The following KRT26 variants were observed in gnomAD, a reference collection of about 807,000 sequenced individuals.
KRT26 encodes the protein keratin, type I cytoskeletal 26.
A neutral mutation model predicts 46.1 loss-of-function variants in KRT26; 45 were observed. That is an observed-to-expected ratio of 0.98 (90% CI 0.77 to 1.25). The LOEUF is 1.25. Among genes scored for constraint, KRT26 ranks in the 50% most tolerant of loss-of-function variants. KRT26 has a pLI of 0.00. For synonymous variants in KRT26, 191 were observed against 209.9 expected (o/e 0.91, Z 0.78); for missense variants, 582 against 560.1 (o/e 1.04, Z -0.39).
chr17:40,771,955 T>C, exon 1 of KRT26: 1 of 1,614,158 alleles, frequency 6.2e-7, no homozygotes, highest in Non-Finnish European at 8.5e-7. Context: ...AGAAGCTTCC[T>C]CCAGAAGAGA....
intron 1 of KRT26, 68 bp downstream of exon 1, chr17:40,771,605 A>G: frequency 7.1e-7 from 1 of 1,414,696 alleles, no homozygotes; most frequent in East Asian, 2.3e-5. Context: ...CACATTTTAT[A>G]TTTTCTCTTC....
chr17:40,771,623 T>C, intron 1 of KRT26, 50 bp downstream of exon 1: 1 of 1,482,636 alleles, frequency 6.7e-7, no homozygotes, highest in Non-Finnish European at 9.1e-7. Flanking sequence ...TTCTTTAAAT[T>C]ATCAACACAC....
At chr17:40,771,867 C>T (rs2038224505) in exon 1 of KRT26, 1 of 1,614,072 alleles carries the variant, frequency 6.2e-7, no homozygotes, top group African/African-American at 1.3e-5. Flanking sequence ...GTCACCTTTT[C>T]ATTCCCAGAG....
chr17:40,770,106 T>A lies in KRT26; in HGVS notation c.698A>T (p.Gln233Leu), dbSNP rs769740443. Residue 233 changes from glutamine (Q) to leucine (L), a missense_variant, in exon 4 of 8, where the codon CAA becomes CTA. Physicochemically the swap from Gln to Leu is moderately radical, Grantham distance 113. Coordinates refer to ENST00000335552, the Ensembl canonical transcript of KRT26. ...GTTCACGTTCCCCCCAGCTGTATAT[T>A]GCAAGACTTCCATTTCCTAGAAAAG... The A allele has an allele frequency of 2.5e-6, 4 of 1,614,206 alleles. No homozygotes were observed. The South Asian group carries it at 4.4e-5, about 18-fold the overall frequency.
intron 1 of KRT26, 83 bp from the exon 2 acceptor site, chr17:40,771,319 A>C: frequency 1.4e-6 from 1 of 722,658 alleles, no homozygotes; most frequent in African/African-American, 1.8e-5. Flanking sequence ...ATATCTTCTT[A>C]ATCTGTCAAA....
intron 2 of KRT26, 112 bp from the exon 3 acceptor site, chr17:40,770,521 G>A (rs2038214896): frequency 5.0e-6 from 4 of 795,678 alleles, no homozygotes; most frequent in Non-Finnish European, 7.8e-6. Flanking sequence ...TACCTCTGAA[G>A]CTTCTTGCAA....
intron 6 of KRT26, 53 bp downstream of exon 6, chr17:40,768,826 G>T: frequency 9.7e-7 from 1 of 1,027,232 alleles, no homozygotes. Flanking sequence ...CTATACTGTG[G>T]GAAAACCTAG....
chr17:40,767,796 C>CT (rs2038183441), intron 6 of KRT26, 143 bp from the exon 7 acceptor site: 1 of 490,192 alleles, frequency 2.0e-6, no homozygotes, highest in Admixed American at 3.9e-5. Context: ...CATTAATAAG[C>CT]TTTTCATGAC....
intron 6 of KRT26, among the ~76,000 whole-genome samples, chr17:40,768,646 T>A (rs575758005): frequency 1.8e-4 from 28 of 152,366 alleles, no homozygotes; most frequent in Non-Finnish European, 2.9e-4. Flanking sequence ...AAATATTCTA[T>A]ATTTAAATGT....
chr17:40,770,351 T>C, exon 3 of KRT26: 1 of 1,613,896 alleles, frequency 6.2e-7, no homozygotes, highest in Non-Finnish European at 8.5e-7. Flanking sequence ...TCCAACACTC[T>C]GCGAAGACCA....
chr17:40,771,691 T>A, exon 1 of KRT26: 1 of 1,613,186 alleles, frequency 6.2e-7, no homozygotes, highest in East Asian at 2.2e-5. Flanking sequence ...TAAGATCTTC[T>A]ATGACTGAGA....
At chr17:40,769,086 T>C (rs771482758) in exon 6 of KRT26, 18 of 1,612,070 alleles carry the variant, frequency 1.1e-5, no homozygotes, top group Non-Finnish European at 1.5e-5. Context: ...GGAGCATTCA[T>C]AGGAATGTTT....
exon 8 of KRT26, chr17:40,766,608 A>T: frequency 6.2e-7 from 1 of 1,613,224 alleles, no homozygotes; most frequent in African/African-American, 1.3e-5. Context: ...GTGAAAGGAG[A>T]TTGCCAATTT....
At chr17:40,767,923 C>T (rs1567672577) in intron 6 of KRT26, among the ~76,000 whole-genome samples, 1 of 152,132 alleles carries the variant, frequency 6.6e-6, no homozygotes, top group African/African-American at 2.4e-5. Flanking sequence ...AATCAACTGG[C>T]CAGTGAATGT....
chr17:40,771,012 G>A (rs545786022), intron 2 of KRT26, 142 bp downstream of exon 2: 24 of 509,120 alleles, frequency 4.7e-5, no homozygotes, highest in East Asian at 9.6e-5. Flanking sequence ...TTTTTATAAC[G>A]GCTTATTTAA....
At chr17:40,769,668 G>T (rs2038202431) in intron 5 of KRT26, 86 bp downstream of exon 5, 2 of 1,343,298 alleles carry the variant, frequency 1.5e-6, no homozygotes, top group Non-Finnish European at 2.1e-6. Context: ...ATGGTTATAC[G>T]TACTTGGTGT....
intron 2 of KRT26, 62 bp from the exon 3 acceptor site, chr17:40,770,471 T>A (rs2038214367): frequency 1.5e-6 from 2 of 1,359,926 alleles, no homozygotes; most frequent in Admixed American, 2.2e-5. Flanking sequence ...CACAACTTTT[T>A]AAGGTATTTC....
intron 7 of KRT26, 121 bp downstream of exon 7, chr17:40,767,465 C>T: frequency 1.9e-6 from 1 of 532,738 alleles, no homozygotes; most frequent in Non-Finnish European, 3.3e-6. Flanking sequence ...GACCCCTCAT[C>T]CCTTTATTCA....
At chr17:40,768,041 A>T (rs909238850) in intron 6 of KRT26, among the ~76,000 whole-genome samples, 2 of 152,214 alleles carry the variant, frequency 1.3e-5, no homozygotes, top group African/African-American at 2.4e-5. Flanking sequence ...ACATGCAAAA[A>T]GTTACCTATA....
Sources: allele counts gnomAD v4.1 joint callset (sites outside exome capture counted in the v4.1 genomes callset), GRCh38; gene constraint gnomAD v4.1.1; transcripts MANE v1.5; gene names NCBI Gene and HGNC (gene_info 2026-07-23, HGNC 2026-07-21).